DNAH11: variants seen among roughly 807,000 people sequenced by gnomAD.
DNAH11 encodes the protein dynein axonemal heavy chain 11, also known as axonemal beta dynein heavy chain 11.
Under a neutral mutation model 526.0 loss-of-function variants are expected in DNAH11, and 442 were observed. That is an observed-to-expected ratio of 0.84 (90% confidence interval 0.78 to 0.91). The LOEUF is 0.91. DNAH11 is among the 40% of genes least tolerant of loss of function. The probability of loss-of-function intolerance (pLI) is 0.00; values close to 1 mark genes in which losing one functional copy is unlikely to be tolerated. For missense variants in DNAH11, 6,989 were observed against 5,448.7 expected (o/e 1.28, Z -8.90); for synonymous variants, 2,461 against 1,935.9 (o/e 1.27, Z -7.12).
intron 74 of DNAH11, among the ~76,000 whole-genome samples, chr7:21,878,999 C>G (rs1297176485): frequency 6.6e-6 from 1 of 152,208 alleles, no homozygotes; most frequent in Non-Finnish European, 1.5e-5. Context: ...ACTTCCTTTC[C>G]TTGCCTCACA....
chr7:21,680,583 A>G (rs1467996225), intron 30 of DNAH11, among the ~76,000 whole-genome samples: 2 of 152,220 alleles, frequency 1.3e-5, no homozygotes, highest in African/African-American at 4.8e-5. Flanking sequence ...ATGAAACAAT[A>G]CATTCTCTTA....
chr7:21,632,117 C>G (rs967995896), intron 25 of DNAH11, among the ~76,000 whole-genome samples: 1 of 152,204 alleles, frequency 6.6e-6, no homozygotes, highest in African/African-American at 2.4e-5. Context: ...TCTGAAGCCA[C>G]GTCCCGAGCT....
At chr7:21,678,211 T>C (rs1454702821) in intron 30 of DNAH11, among the ~76,000 whole-genome samples, 1 of 152,010 alleles carries the variant, frequency 6.6e-6, no homozygotes. Context: ...TCAGGTCTTA[T>C]CTTTAAGTCT....
chr7:21,780,139 A>AT (rs35655475), intron 57 of DNAH11, among the ~76,000 whole-genome samples: 112,869 of 152,008 alleles, frequency 0.74, 42,156 homozygotes, highest in East Asian at 0.84. Context: ...AGATTATGGC[A>AT]TTAAAATTGA....
At chr7:21,707,247 C>T (rs1784304600) in intron 39 of DNAH11, among the ~76,000 whole-genome samples, 1 of 152,202 alleles carries the variant, frequency 6.6e-6, no homozygotes, top group South Asian at 2.1e-4. Flanking sequence ...GGCCCCACCT[C>T]AGACCTACTG....
chr7:21,755,214 A>G (rs1050087552), intron 54 of DNAH11, among the ~76,000 whole-genome samples: 1 of 152,216 alleles, frequency 6.6e-6, no homozygotes, highest in Admixed American at 6.5e-5. Context: ...CCCATTAACA[A>G]CCATCAGATG....
Position 21,899,764 on chromosome 7 carries a change from A to G in DNAH11, c.13163-216A>G, listed in dbSNP as rs35469450. On this transcript the variant is annotated intron_variant, in intron 80 of 81. Coordinates refer to ENST00000409508, the MANE Select transcript of DNAH11 (RefSeq NM_001277115.2). The stretch of plus-strand genomic sequence containing the variant: ...TGCGAAAACCACAGACAATCCACAA[A>G]TGGCTGTGACTATTCCAATAAAACT... Among the ~76,000 whole-genome samples the G allele has an allele frequency of 0.22, 32,784 of 152,116 alleles. 4,108 individuals are homozygous for G. Among genetic ancestry groups the G allele is most frequent in the Non-Finnish European group, 0.29 (19,439 of 67,978 alleles).
rs1010028860 is a variant in DNAH11, at chr7:21,548,925, A to G, written c.495+3776A>G. On this transcript the variant is annotated intron_variant, in intron 2 of 81. Transcript: ENST00000409508. ...AGACGGAGTTTTGCTCTTATTGCCC[A>G]GGCTGGAGTGCAATGGCGCAATCTC... 1.1e-4 allele frequency among the ~76,000 whole-genome samples: 17 copies of G among 150,784 alleles called. 1 individual carries two copies. The highest frequency in any genetic ancestry group is 3.7e-4 in the African/African-American group (15 of 40,954).
chr7:21,644,386 C>A (rs13224502), intron 28 of DNAH11, among the ~76,000 whole-genome samples: 1 of 151,896 alleles, frequency 6.6e-6, no homozygotes, highest in African/African-American at 2.4e-5. Flanking sequence ...AAAACCTTCA[C>A]TGACAGGAGG....
At chr7:21,872,870 C>G (rs1373944274) in intron 73 of DNAH11, among the ~76,000 whole-genome samples, 1 of 152,172 alleles carries the variant, frequency 6.6e-6, no homozygotes, top group Non-Finnish European at 1.5e-5. Context: ...GTGTCAGGCA[C>G]ATTTCTGGCT....
At chr7:21,571,774 G>A (rs1783899429) in intron 7 of DNAH11, 32 bp from the exon 8 acceptor site, 5 of 1,554,550 alleles carry the variant, frequency 3.2e-6, no homozygotes, top group Non-Finnish European at 3.5e-6. Flanking sequence ...GCTCAATGTA[G>A]TGGAAAGGTC....
At chr7:21,742,524 T>C (rs1785952791) in intron 49 of DNAH11, among the ~76,000 whole-genome samples, 1 of 152,062 alleles carries the variant, frequency 6.6e-6, no homozygotes, top group African/African-American at 2.4e-5. Context: ...GAGGGGATGG[T>C]GCTAACCATT....
At chr7:21,714,870 A>G (rs1353835239) in intron 42 of DNAH11, among the ~76,000 whole-genome samples, 4 of 152,184 alleles carry the variant, frequency 2.6e-5, no homozygotes, top group Non-Finnish European at 1.5e-5. Context: ...AAGTCTGATT[A>G]CAAAAGACTA....
intron 54 of DNAH11, among the ~76,000 whole-genome samples, chr7:21,760,955 ATTTC>A (rs965749134): frequency 6.6e-6 from 1 of 152,166 alleles, no homozygotes; most frequent in African/African-American, 2.4e-5. Context: ...TTTTGTTTTT[ATTTC>A]TTATAAGCCC....
At chr7:21,761,066 G>A (rs1036394743) in intron 54 of DNAH11, among the ~76,000 whole-genome samples, 7 of 152,142 alleles carry the variant, frequency 4.6e-5, no homozygotes, top group Non-Finnish European at 2.9e-5. Context: ...GTGACAACTG[G>A]GGTTTACTTC....
chr7:21,568,263 C>T (rs1783751528), intron 6 of DNAH11, among the ~76,000 whole-genome samples: 1 of 152,004 alleles, frequency 6.6e-6, no homozygotes, highest in Non-Finnish European at 1.5e-5. Context: ...TGGCTTTTAG[C>T]TTGTTTGTGC....
rs574172765 is a variant in DNAH11, at chr7:21,545,943, AC to A, written c.495+797del. Among the ~76,000 whole-genome samples, 147 of 152,272 alleles carry A rather than the reference AC, an allele frequency of 9.7e-4. 1 individual carries two copies. The highest frequency in any genetic ancestry group is 3.4e-3 in the Middle Eastern group (1 of 294). On this transcript the variant is annotated intron_variant, in intron 2 of 81. Transcript: ENST00000409508. The stretch of plus-strand genomic sequence containing the variant: ...CTTGTAACACAATGCCCCAGGTCAC[AC>A]CCATACCAGTTAATTTAGAACGTCC...
At chr7:21,626,983 C>T (rs752968659) in intron 25 of DNAH11, among the ~76,000 whole-genome samples, 1 of 151,988 alleles carries the variant, frequency 6.6e-6, no homozygotes, top group Non-Finnish European at 1.5e-5. Context: ...ATCTCCTGAC[C>T]TCGTGATCTG....
At chr7:21,768,136 C>G (rs1296017131) in intron 55 of DNAH11, among the ~76,000 whole-genome samples, 1 of 152,204 alleles carries the variant, frequency 6.6e-6, no homozygotes, top group Non-Finnish European at 1.5e-5. Context: ...AAGTATTTAT[C>G]TGAAGACTTT....
Sources: allele counts gnomAD v4.1 joint callset (sites outside exome capture counted in the v4.1 genomes callset), GRCh38; gene constraint gnomAD v4.1.1; transcripts MANE v1.5; gene names NCBI Gene and HGNC (gene_info 2026-07-23, HGNC 2026-07-21).